Variants in NECTIN2 observed in about 807,000 individuals in gnomAD.
The protein encoded by NECTIN2 is nectin cell adhesion molecule 2, also known as nectin-2.
Under a neutral mutation model 56.9 loss-of-function variants are expected in NECTIN2, and 23 were observed. The ratio of observed to expected loss-of-function variants is 0.40; its 90% confidence interval spans 0.29 to 0.57. The LOEUF (loss-of-function observed/expected upper bound fraction) is 0.57, where lower values mean the gene tolerates loss of function less well. Ranked by LOEUF, NECTIN2 falls within the 20% of genes least tolerant of loss-of-function variation. The probability of loss-of-function intolerance (pLI) is 0.38; values close to 1 mark genes in which losing one functional copy is unlikely to be tolerated. For synonymous variants in NECTIN2, 302 were observed against 313.8 expected, an observed-to-expected ratio of 0.96 and a Z score of 0.40; for missense variants, 587 against 718.3, an observed-to-expected ratio of 0.82 and a Z score of 2.09.
Position 44,874,193 on chromosome 19 carries a change from G to A in NECTIN2, c.894-137G>A, listed in dbSNP as rs1027956281. On this transcript the variant is annotated intron_variant, in intron 4 of 8. Coordinates refer to ENST00000252483, the MANE Select transcript of NECTIN2 (RefSeq NM_001042724.2). The surrounding 1 kb of genome is among the most constrained non-coding windows in gnomAD (Gnocchi z 6.3). ...AAGTCCTCCAGGATGAAGGGAGCTTGCATTTTGGCAATTTGGGGTCTCCGG... is the reference window on the plus strand; with the variant it reads ...AAGTCCTCCAGGATGAAGGGAGCTTACATTTTGGCAATTTGGGGTCTCCGG... The A allele has an allele frequency of 2.3e-6, 3 of 1,283,962 alleles. No homozygotes were observed. The highest frequency in any genetic ancestry group is 3.0e-5 in the African/African-American group (2 of 67,478). The allele number at this position is 1,283,962 out of a possible 1,614,324, so 79.5% of individuals were successfully genotyped here.
intron 1 of NECTIN2, among the ~76,000 whole-genome samples, chr19:44,860,749 C>T (rs1969022646): frequency 1.3e-5 from 2 of 151,558 alleles, no homozygotes; most frequent in African/African-American, 4.8e-5. Context: ...TGAACACGTC[C>T]GGCTAATTTT....
At chr19:44,883,378 G>A (rs751228223) in intron 6 of NECTIN2, among the ~76,000 whole-genome samples, 17 of 151,960 alleles carry the variant, frequency 1.1e-4, no homozygotes, top group Non-Finnish European at 1.9e-4. Context: ...TGGTTCAAGC[G>A]ATTCTCCAGC....
chr19:44,864,790 T>C (rs534556934), intron 1 of NECTIN2, among the ~76,000 whole-genome samples: 2 of 151,822 alleles, frequency 1.3e-5, no homozygotes, highest in Non-Finnish European at 2.9e-5. Flanking sequence ...ATCGCGCCAC[T>C]GCACTCCAGC....
intron 2 of NECTIN2, among the ~76,000 whole-genome samples, chr19:44,870,370 GAA>G (rs1568594323): frequency 6.6e-6 from 1 of 152,128 alleles, no homozygotes; most frequent in African/African-American, 2.4e-5. Context: ...AAGGCGGTGG[GAA>G]GGGAGAGCTG....
intron 5 of NECTIN2, among the ~76,000 whole-genome samples, chr19:44,881,523 CAAA>C (rs35949038): frequency 1.2e-5 from 1 of 81,690 alleles, no homozygotes; most frequent in Non-Finnish European, 2.6e-5. Flanking sequence ...CAAAAAAATT[CAAA>C]AAAAAAAAAA....
chr19:44,879,040 A>C (rs1969277706), intron 5 of NECTIN2: 1 of 533,930 alleles, frequency 1.9e-6, no homozygotes, highest in African/African-American at 2.1e-5. Context: ...GAGCTGATCC[A>C]CGCCCCCGGG....
At chr19:44,886,719 C>T (rs1266945903) in intron 8 of NECTIN2, among the ~76,000 whole-genome samples, 1 of 151,416 alleles carries the variant, frequency 6.6e-6, no homozygotes, top group Non-Finnish European at 1.5e-5. Context: ...AAGATTCCGT[C>T]TCAAAAAAAT....
chr19:44,888,527 T>A lies in NECTIN2; in HGVS notation c.*148T>A. On this transcript the variant is annotated 3_prime_UTR_variant, in exon 9 of 9. Transcript: ENST00000252483. ...GATGTCTACCTTGGTGGCTCCACTA[T>A]GACCCCTAACCCATGAGCCCAGAGA... 1 of 853,236 alleles carries A rather than the reference T, an allele frequency of 1.2e-6. No individual in the cohort carries two copies. The allele number at this position is 853,236 out of a possible 1,614,324, so 52.9% of individuals were successfully genotyped here.
intron 5 of NECTIN2, among the ~76,000 whole-genome samples, chr19:44,879,896 GC>G (rs1969289174): frequency 1.3e-5 from 2 of 152,182 alleles, no homozygotes; most frequent in South Asian, 2.1e-4. Context: ...CAGACCCAGT[GC>G]CGTCCTCCGG....
At position 44,875,845 on chromosome 19, in the gene NECTIN2, C is replaced by A. The variant is rs1969230619; in HGVS notation, c.1042+1367C>A. Reference sequence around the variant, plus strand: ...GATACAGCCAGGGAGATAGGACACCCCTACGGGAAACACTGTCACAGACAG... The same window carrying A: ...GATACAGCCAGGGAGATAGGACACCACTACGGGAAACACTGTCACAGACAG... On this transcript the variant is annotated intron_variant, in intron 5 of 8. Transcript: ENST00000252483. This position sits in a 1 kb window ranked among gnomAD's most constrained non-coding sequence, Gnocchi z 4.2. Among the ~76,000 whole-genome samples the A allele has an allele frequency of 6.6e-6, 1 of 152,202 alleles. No homozygotes were observed. Among genetic ancestry groups the A allele is most frequent in the Non-Finnish European group, 1.5e-5 (1 of 68,030 alleles).
intron 5 of NECTIN2, among the ~76,000 whole-genome samples, chr19:44,881,703 C>T (rs780534340): frequency 6.6e-6 from 1 of 152,086 alleles, no homozygotes; most frequent in African/African-American, 2.4e-5. Context: ...CCATAGAGCC[C>T]CACAAGCCTC....
At chr19:44,884,154 G>A (rs776619426) in intron 6 of NECTIN2, among the ~76,000 whole-genome samples, 1 of 151,858 alleles carries the variant, frequency 6.6e-6, no homozygotes, top group Non-Finnish European at 1.5e-5. Flanking sequence ...TCTGAGGTAT[G>A]CGAGCTATGC....
intron 2 of NECTIN2, among the ~76,000 whole-genome samples, chr19:44,870,307 C>T (rs3852858): frequency 0.012 from 1,864 of 152,014 alleles, 43 homozygotes; most frequent in African/African-American, 0.043. Context: ...GCTTGGAGGG[C>T]GGCCAGGAGG....
intron 1 of NECTIN2, among the ~76,000 whole-genome samples, chr19:44,849,546 G>A (rs892188344): frequency 1.3e-5 from 2 of 152,144 alleles, no homozygotes; most frequent in African/African-American, 4.8e-5. Flanking sequence ...TCCCAGCAGT[G>A]CTGACAAATG....
chr19:44,885,505 T>G (rs1312331704), intron 6 of NECTIN2, among the ~76,000 whole-genome samples: 1 of 151,244 alleles, frequency 6.6e-6, no homozygotes, highest in African/African-American at 2.4e-5. Context: ...GGAGATGGCA[T>G]TTCACCATGT....
intron 6 of NECTIN2, among the ~76,000 whole-genome samples, chr19:44,885,127 G>T (rs1287253023): frequency 1.3e-5 from 2 of 151,794 alleles, no homozygotes; most frequent in Non-Finnish European, 2.9e-5. Context: ...CTCCTGAGTA[G>T]CTGGGATTAC....
chr19:44,858,913 G>T (rs1969000996), intron 1 of NECTIN2, among the ~76,000 whole-genome samples: 1 of 152,224 alleles, frequency 6.6e-6, no homozygotes, highest in Non-Finnish European at 1.5e-5. Context: ...AAAGTGCTGG[G>T]ATTACAGGTG....
rs779266336 is a variant in NECTIN2, at chr19:44,874,339, C to T, written c.903C>T (p.Gly301=). 6 of 1,614,144 alleles carry T rather than the reference C, an allele frequency of 3.7e-6. No individual in the cohort carries two copies. The highest frequency in any genetic ancestry group is 3.3e-5 in the South Asian group (3 of 91,088). The change falls in exon 5 of 9, where the codon GGC becomes GGT. Residue 301 remains glycine, a synonymous_variant. Coordinates refer to ENST00000252483, the MANE Select transcript of NECTIN2 (RefSeq NM_001042724.2). This position sits in a 1 kb window ranked among gnomAD's most constrained non-coding sequence, Gnocchi z 6.3. ...CCCCACACCCCTCCAGGACCTCAGG[C>T]ACCTTCCCGACCTCCGCAGTGGCCC... ...PTGYDWSTTS[G]TFPTSAVAQG... is the part of the protein sequence containing the mutation.
Position 44,874,030 on chromosome 19 carries a change from G to A in NECTIN2, c.890G>A (p.Ser297Asn). The change falls in exon 4 of 9, where the codon AGC becomes AAC. Residue 297 changes from serine to asparagine, a missense_variant. Transcript: ENST00000252483. This position sits in a 1 kb window ranked among gnomAD's most constrained non-coding sequence, Gnocchi z 6.3. ...SNPEPTGYDW[S>N]TTSGTFPTSA... Reference sequence around the variant, plus strand: ...CCAGAGCCCACGGGCTATGACTGGAGCACGTGAGTCACGTGGTCTCAGAAC... The same window carrying A: ...CCAGAGCCCACGGGCTATGACTGGAACACGTGAGTCACGTGGTCTCAGAAC... 1 of 1,610,736 alleles carries A rather than the reference G, an allele frequency of 6.2e-7. No homozygotes were observed. Among genetic ancestry groups the A allele is most frequent in the Non-Finnish European group, 8.5e-7 (1 of 1,177,398 alleles).
Sources: allele counts gnomAD v4.1 joint callset (sites outside exome capture counted in the v4.1 genomes callset), GRCh38; gene constraint gnomAD v4.1.1; non-coding constraint Gnocchi (gnomAD v3.1); transcripts MANE v1.5; gene names NCBI Gene and HGNC (gene_info 2026-07-23, HGNC 2026-07-21).